The following ARHGAP24 variants were observed in gnomAD, a reference collection of about 807,000 sequenced individuals.
The protein encoded by ARHGAP24 is rho GTPase-activating protein 24.
Under a neutral mutation model 76.4 loss-of-function variants are expected in ARHGAP24, and 50 were observed. The observed-to-expected ratio is 0.65, with a 90% CI of 0.52 to 0.83. The LOEUF (loss-of-function observed/expected upper bound fraction) is 0.83. Among genes scored for constraint, ARHGAP24 ranks in the 40% least tolerant of loss-of-function variants. ARHGAP24 has a pLI of 0.00. For missense variants in ARHGAP24, 930 were observed against 914.2 expected (o/e 1.02, Z -0.22); for synonymous variants, 345 against 323.3 (o/e 1.07, Z -0.72).
intron 2 of ARHGAP24, among the ~76,000 whole-genome samples, chr4:85,691,419 A>G (rs974535896): frequency 4.6e-5 from 7 of 152,158 alleles, no homozygotes; most frequent in African/African-American, 1.7e-4. Context: ...TTTCTGCCTC[A>G]ATGATCTATC....
intron 3 of ARHGAP24, among the ~76,000 whole-genome samples, chr4:85,884,528 C>T (rs1733447518): frequency 6.6e-6 from 1 of 152,128 alleles, no homozygotes; most frequent in African/African-American, 2.4e-5. Flanking sequence ...TGGTCTCTCA[C>T]CCTTAGCTGA....
intron 1 of ARHGAP24, among the ~76,000 whole-genome samples, chr4:85,552,540 G>C (rs1726180517): frequency 6.6e-6 from 1 of 152,124 alleles, no homozygotes; most frequent in African/African-American, 2.4e-5. Flanking sequence ...GGTCCATTTG[G>C]TCAAGTGTTG....
At chr4:85,500,009 T>C (rs1010344017) in intron 1 of ARHGAP24, among the ~76,000 whole-genome samples, 1 of 152,176 alleles carries the variant, frequency 6.6e-6, no homozygotes, top group African/African-American at 2.4e-5. Context: ...TGTGATAAAA[T>C]TTAGCATCCA....
chr4:85,549,854 T>G (rs968648352), intron 1 of ARHGAP24, among the ~76,000 whole-genome samples: 5 of 152,232 alleles, frequency 3.3e-5, no homozygotes, highest in Admixed American at 3.3e-4. Flanking sequence ...AGTGAGAACA[T>G]GCAGTATTTG....
At chr4:85,868,418 A>G (rs1732332031) in intron 3 of ARHGAP24, among the ~76,000 whole-genome samples, 1 of 152,192 alleles carries the variant, frequency 6.6e-6, no homozygotes, top group Admixed American at 6.5e-5. Context: ...AGATCTGGCA[A>G]GGGAAGAGGA....
At chr4:85,905,750 A>T (rs1734739553) in intron 3 of ARHGAP24, among the ~76,000 whole-genome samples, 1 of 152,238 alleles carries the variant, frequency 6.6e-6, no homozygotes, top group South Asian at 2.1e-4. Context: ...AAATTGCCAT[A>T]GTAGGACTGT....
At chr4:85,752,304 T>G (rs755749888) in intron 3 of ARHGAP24, among the ~76,000 whole-genome samples, 15 of 152,200 alleles carry the variant, frequency 9.9e-5, no homozygotes, top group Non-Finnish European at 2.1e-4. Flanking sequence ...ATCTGCCATT[T>G]GCAAAACATT....
At chr4:85,582,236 C>T (rs758399077) in intron 2 of ARHGAP24, among the ~76,000 whole-genome samples, 1 of 152,046 alleles carries the variant, frequency 6.6e-6, no homozygotes. Context: ...TGTTTTCTAT[C>T]TTAGCCTGAA....
chr4:85,711,441 A>G (rs189224801), intron 2 of ARHGAP24, among the ~76,000 whole-genome samples: 2 of 152,308 alleles, frequency 1.3e-5, no homozygotes, highest in East Asian at 3.9e-4. Flanking sequence ...TTCTCTGCAT[A>G]TTACTTTTAT....
At chr4:85,728,948 T>C (rs1241623385) in intron 3 of ARHGAP24, among the ~76,000 whole-genome samples, 6 of 152,346 alleles carry the variant, frequency 3.9e-5, no homozygotes, top group African/African-American at 1.2e-4. Flanking sequence ...TGTAGGAATG[T>C]TTTAATTGTG....
At chr4:85,715,333 A>G (rs757113133) in intron 2 of ARHGAP24, among the ~76,000 whole-genome samples, 1 of 152,056 alleles carries the variant, frequency 6.6e-6, no homozygotes, top group Non-Finnish European at 1.5e-5. Flanking sequence ...CTTTACTACA[A>G]TCATTTCATT....
rs563558692 is a variant in ARHGAP24 at position 85,641,202 on chromosome 4, T to G, written c.180+70481T>G. Among the ~76,000 whole-genome samples the G allele has an allele frequency of 4.6e-5, 7 of 152,270 alleles. No homozygotes were observed. In the South Asian group the frequency reaches 6.2e-4, roughly 14 times the overall value. On this transcript the variant is annotated intron_variant, in intron 2 of 9. Coordinates refer to ENST00000395184, the MANE Select transcript of ARHGAP24 (RefSeq NM_001025616.3). ...GCCTCAAACTCCTGGTATCAAATGATCCTTCCAGCTCAGCCTTGCGCGTAG... is the reference window on the plus strand; with the variant it reads ...GCCTCAAACTCCTGGTATCAAATGAGCCTTCCAGCTCAGCCTTGCGCGTAG...
At chr4:85,930,363 A>C in intron 4 of ARHGAP24, 1 of 986,860 alleles carries the variant, frequency 1.0e-6, no homozygotes, top group Non-Finnish European at 1.2e-6. Flanking sequence ...GGGTCCTTTG[A>C]AAGAAATCTA....
intron 1 of ARHGAP24, among the ~76,000 whole-genome samples, chr4:85,486,715 T>G (rs1202924846): frequency 1.3e-5 from 2 of 152,222 alleles, no homozygotes; most frequent in East Asian, 3.8e-4. Context: ...ACTAGTTTCT[T>G]GATGACAGCC....
chr4:85,957,183 C>A (rs10001858), intron 5 of ARHGAP24, among the ~76,000 whole-genome samples: 1,558 of 152,252 alleles, frequency 0.01, 20 homozygotes, highest in African/African-American at 0.035. Context: ...CTAGTCCTGT[C>A]TCTCACCCTC....
chr4:85,889,242 C>A (rs1274606710), intron 3 of ARHGAP24, among the ~76,000 whole-genome samples: 1 of 152,166 alleles, frequency 6.6e-6, no homozygotes, highest in Non-Finnish European at 1.5e-5. Context: ...ATAACAGGAA[C>A]TTAACTTCCC....
rs566137466 is a variant in ARHGAP24 at position 85,754,573 on chromosome 4, G to T, written c.268+32601G>T. 7.9e-5 allele frequency among the ~76,000 whole-genome samples: 12 copies of T among 152,220 alleles called. No individual in the cohort carries two copies. In the East Asian group the frequency reaches 2.3e-3, roughly 29 times the overall value. On this transcript the variant is annotated intron_variant, in intron 3 of 9. Transcript: ENST00000395184. ...TCAGAGAAGAGATAAAGATACATAC[G>T]ACAGACAACACAATTTTAAAGGTCC...
intron 2 of ARHGAP24, among the ~76,000 whole-genome samples, chr4:85,573,361 G>A (rs1727216989): frequency 6.6e-6 from 1 of 152,096 alleles, no homozygotes. Flanking sequence ...ATTCTATATT[G>A]TTCTATGAGT....
chr4:85,851,383 G>T (rs781499895), intron 3 of ARHGAP24, among the ~76,000 whole-genome samples: 1 of 152,164 alleles, frequency 6.6e-6, no homozygotes. Context: ...GCACGTTGAT[G>T]GGTCTCGAAT....
Sources: allele counts gnomAD v4.1 joint callset (sites outside exome capture counted in the v4.1 genomes callset), GRCh38; gene constraint gnomAD v4.1.1; transcripts MANE v1.5; gene names NCBI Gene and HGNC (gene_info 2026-07-23, HGNC 2026-07-21).